Variants in IL12RB2 observed in about 807,000 individuals in gnomAD.
IL12RB2 encodes interleukin 12 receptor subunit beta 2, also known as interleukin-12 receptor subunit beta-2.
IL12RB2 carries 82 observed loss-of-function variants against 89.4 expected under a neutral mutation model. The ratio of observed to expected loss-of-function variants is 0.92; its 90% CI spans 0.77 to 1.10. The LOEUF (loss-of-function observed/expected upper bound fraction) is 1.10, where lower values mean the gene tolerates loss of function less well. IL12RB2 is among the 50% of genes least tolerant of loss of function. The pLI, the probability that IL12RB2 is intolerant of heterozygous loss-of-function variation, is 0.00. For missense variants in IL12RB2, 963 were observed against 1,031.9 expected (o/e 0.93, Z 0.92); for synonymous variants, 368 against 370.1 (o/e 0.99, Z 0.07).
chr1:67,354,151 T>C (rs1464647866), intron 10 of IL12RB2, among the ~76,000 whole-genome samples: 1 of 152,060 alleles, frequency 6.6e-6, no homozygotes, highest in South Asian at 2.1e-4. Context: ...ATGGGGGCTC[T>C]AGGAACAGAG....
chr1:67,318,846 C>G (rs2100574655), intron 2 of IL12RB2, among the ~76,000 whole-genome samples: 1 of 151,532 alleles, frequency 6.6e-6, no homozygotes, highest in East Asian at 1.9e-4. Flanking sequence ...ACATCTAGAG[C>G]TAGGGGACCA....
chr1:67,382,705 T>C (rs1157132047), intron 14 of IL12RB2, among the ~76,000 whole-genome samples: 1 of 101,772 alleles, frequency 9.8e-6, no homozygotes, highest in Non-Finnish European at 2.2e-5. Context: ...CCTCCAACTC[T>C]ACATTTTTTT....
chr1:67,361,539 T>C (rs2100927970), intron 10 of IL12RB2, among the ~76,000 whole-genome samples: 1 of 152,282 alleles, frequency 6.6e-6, no homozygotes. Context: ...GGGTGATTCG[T>C]AAAATAGACA....
chr1:67,358,803 T>C (rs1354143517), intron 10 of IL12RB2, among the ~76,000 whole-genome samples: 2 of 152,046 alleles, frequency 1.3e-5, no homozygotes, highest in Non-Finnish European at 2.9e-5. Flanking sequence ...AGCTAAAAAA[T>C]TGGCACAAAA....
At chr1:67,314,806 G>C (rs1390381973) in intron 2 of IL12RB2, among the ~76,000 whole-genome samples, 1 of 152,064 alleles carries the variant, frequency 6.6e-6, no homozygotes, top group African/African-American at 2.4e-5. Flanking sequence ...CCTACCGGTC[G>C]GTGTATTTCT....
At chr1:67,346,018 A>G (rs1218095550) in intron 9 of IL12RB2, among the ~76,000 whole-genome samples, 1 of 152,202 alleles carries the variant, frequency 6.6e-6, no homozygotes, top group African/African-American at 2.4e-5. Flanking sequence ...AGGTTTGACT[A>G]TCAGTTAAGT....
intron 1 of IL12RB2, among the ~76,000 whole-genome samples, 176 bp downstream of exon 1, chr1:67,308,143 C>T (rs553595411): frequency 5.3e-5 from 8 of 152,140 alleles, no homozygotes; most frequent in South Asian, 4.2e-4. Context: ...CCAATACGAT[C>T]CGAAATGGCT....
At chr1:67,393,704 A>C (rs902405790) in intron 16 of IL12RB2, among the ~76,000 whole-genome samples, 11 of 152,196 alleles carry the variant, frequency 7.2e-5, no homozygotes, top group African/African-American at 2.7e-4. Flanking sequence ...GCCATGTCCA[A>C]GGCAAGGGAG....
chr1:67,358,667 A>G (rs1281288446), intron 10 of IL12RB2, among the ~76,000 whole-genome samples: 1 of 152,108 alleles, frequency 6.6e-6, no homozygotes, highest in Non-Finnish European at 1.5e-5. Context: ...AGATGTAAGG[A>G]TAAAAGAGAG....
At position 67,395,552 on chromosome 1, in the gene IL12RB2, G is replaced by T. The variant is rs1207838411; in HGVS notation, c.2052G>T (p.Lys684Asn). Residue 684 changes from lysine to asparagine, a missense_variant, in exon 17 of 17, where the codon AAG (lysine) becomes AAT (asparagine). Lys to Asn is a moderately conservative substitution (Grantham distance 94). Transcript: ENST00000674203. The stretch of plus-strand genomic sequence containing the variant: ...TTCCTCCTCCTTTCTCTCAGGAGAA[G>T]ACACAGCTGCCCTTGGACAGGCTCC... ...CAKKYPIAEEKTQLPLDRLLI... is the reference protein window; with the variant it reads ...CAKKYPIAEENTQLPLDRLLI... 4 of 1,614,224 alleles carry T rather than the reference G, an allele frequency of 2.5e-6. No individual in the cohort carries two copies. The highest frequency in any genetic ancestry group is 1.7e-5 in the Admixed American group (1 of 60,022).
chr1:67,348,207 C>A (rs560996426), intron 9 of IL12RB2, among the ~76,000 whole-genome samples: 5 of 152,284 alleles, frequency 3.3e-5, no homozygotes, highest in African/African-American at 1.2e-4. Context: ...GGTCTCCACC[C>A]TCCCCAAACT....
At chr1:67,317,359 A>G (rs1162933216) in intron 2 of IL12RB2, among the ~76,000 whole-genome samples, 1 of 152,206 alleles carries the variant, frequency 6.6e-6, no homozygotes, top group East Asian at 1.9e-4. Context: ...CTCACAAGAA[A>G]CACATTTTAT....
At chr1:67,339,129 C>T (rs1398635486) in intron 9 of IL12RB2, among the ~76,000 whole-genome samples, 1 of 151,718 alleles carries the variant, frequency 6.6e-6, no homozygotes, top group African/African-American at 2.4e-5. Flanking sequence ...TTTGTTAAGT[C>T]ATTGAAGAGG....
chr1:67,340,224 C>T (rs1272748760), intron 9 of IL12RB2, among the ~76,000 whole-genome samples: 1 of 152,196 alleles, frequency 6.6e-6, no homozygotes, highest in African/African-American at 2.4e-5. Flanking sequence ...TGATCAGGCT[C>T]TTCACTTTGA....
chr1:67,341,529 GAGAA>G (rs200463047), intron 9 of IL12RB2, among the ~76,000 whole-genome samples: 5,643 of 110,672 alleles, frequency 0.051, 233 homozygotes, highest in African/African-American at 0.088. Flanking sequence ...AAAAAAGAAA[GAGAA>G]AGAAAGAAAG....
intron 15 of IL12RB2, among the ~76,000 whole-genome samples, chr1:67,389,807 T>C (rs1336763187): frequency 6.6e-6 from 1 of 152,218 alleles, no homozygotes; most frequent in Non-Finnish European, 1.5e-5. Flanking sequence ...ATTAGGTTGA[T>C]CAAAAGTTCC....
At position 67,398,190 on chromosome 1, in the gene IL12RB2, G is replaced by A. The variant is rs982386199; in HGVS notation, c.*2101G>A. On this transcript the variant is annotated 3_prime_UTR_variant, in exon 17 of 17. Coordinates refer to ENST00000674203, the MANE Select transcript of IL12RB2 (RefSeq NM_001374259.2). ...TGTAGCTTGCCTGTACCCAGGACAT[G>A]CCCTTGACTGGCACAAACCGTGACA... Among the ~76,000 whole-genome samples the A allele has an allele frequency of 1.3e-5, 2 of 152,044 alleles. No homozygotes were observed. Among genetic ancestry groups the A allele is most frequent in the African/African-American group, 4.8e-5 (2 of 41,380 alleles).
At chr1:67,372,925 G>A in intron 13 of IL12RB2, 142 bp downstream of exon 13, 1 of 722,702 alleles carries the variant, frequency 1.4e-6, no homozygotes, top group Non-Finnish European at 2.5e-6. Flanking sequence ...TACTTGTAAA[G>A]TTAACTGAAT....
intron 9 of IL12RB2, 92 bp downstream of exon 9, chr1:67,338,795 A>C (rs17129821): frequency 2.6e-6 from 2 of 758,912 alleles, no homozygotes; most frequent in African/African-American, 3.4e-5. Flanking sequence ...TGAAGCTTCA[A>C]TGATTTTGCT....
Sources: allele counts gnomAD v4.1 joint callset (sites outside exome capture counted in the v4.1 genomes callset), GRCh38; gene constraint gnomAD v4.1.1; transcripts MANE v1.5; gene names NCBI Gene and HGNC (gene_info 2026-07-23, HGNC 2026-07-21).